The following ADAM8 variants were observed in gnomAD, a reference collection of about 807,000 sequenced individuals.
ADAM8 encodes ADAM metallopeptidase domain 8, also known as disintegrin and metalloproteinase domain-containing protein 8.
ADAM8 carries 104 observed loss-of-function variants against 102.4 expected under a neutral mutation model. That is an observed-to-expected ratio of 1.02 (90% confidence interval 0.87 to 1.20). The LOEUF is 1.20. ADAM8 is among the 50% of genes most tolerant of loss of function. ADAM8 has a pLI of 0.00. For missense variants in ADAM8, 1,132 were observed against 1,159.0 expected, an observed-to-expected ratio of 0.98 and a Z score of 0.34; for synonymous variants, 517 against 485.2, an observed-to-expected ratio of 1.07 and a Z score of -0.86.
intron 18 of ADAM8, 95 bp downstream of exon 18, chr10:133,269,350 C>T: frequency 3.7e-6 from 5 of 1,341,978 alleles, no homozygotes; most frequent in Non-Finnish European, 3.9e-6. Flanking sequence ...CCGTGAACAC[C>T]ACCAGCTTCC....
At chr10:133,269,693 G>A (rs768760320) in intron 17 of ADAM8, among the ~76,000 whole-genome samples, 164 bp from the exon 18 acceptor site, 3 of 152,296 alleles carry the variant, frequency 2.0e-5, no homozygotes, top group South Asian at 2.1e-4. Flanking sequence ...GCCCCTGCCC[G>A]CTGCCCGGTG....
Position 133,273,432 on chromosome 10 carries a change from T to C in ADAM8, c.395A>G (p.Gln132Arg). 1 of 1,540,406 alleles carries C rather than the reference T, an allele frequency of 6.5e-7. No homozygotes were observed. Among genetic ancestry groups the C allele is most frequent in the Non-Finnish European group, 8.8e-7 (1 of 1,140,072 alleles). The change falls in exon 6 of 23, where the codon CAG (glutamine) becomes CGG (arginine). Residue 132 changes from glutamine to arginine, a missense_variant. Coordinates refer to ENST00000445355, the MANE Select transcript of ADAM8 (RefSeq NM_001109.5). ...STCAGLRGFF[Q>R]VGSDLHLIEP... ...GATCAGGTGCAGGTCTGACCCCACC[T>C]GGAAGAAACCCCTGAGGGGAGTGGG...
chr10:133,271,506 C>G (rs768360739), intron 12 of ADAM8, 22 bp downstream of exon 12: 1 of 1,534,208 alleles, frequency 6.5e-7, no homozygotes, highest in Non-Finnish European at 8.8e-7. Context: ...CTGACGGGAG[C>G]AGGTATGGGG....
intron 18 of ADAM8, 192 bp downstream of exon 18, chr10:133,269,253 A>C (rs940781686): frequency 2.2e-6 from 2 of 924,036 alleles, no homozygotes; most frequent in Admixed American, 1.2e-4. Flanking sequence ...TCCCTCTGGG[A>C]CAGGGCTCTC....
rs1438987373 is a variant in ADAM8, at chr10:133,263,694, T to G, written c.2391A>C (p.Pro797=). Residue 797 remains proline (P), a synonymous_variant, in exon 22 of 23, where the codon CCA becomes CCC. Coordinates refer to ENST00000445355, the MANE Select transcript of ADAM8 (RefSeq NM_001109.5). ...GTGTGTGCTGGGGCCTCACCTCAGC[T>G]GGACCAGGGTTGGCCGCACCAGCCC... ...KPGAGAANPG[P]AEGAVGPKVA... 1 of 1,458,582 alleles carries G rather than the reference T, an allele frequency of 6.9e-7. No individual in the cohort carries two copies. The highest frequency in any genetic ancestry group is 9.1e-7 in the Non-Finnish European group (1 of 1,098,780). 90.4% of individuals were successfully genotyped at this position (1,458,582 alleles called of 1,614,324 possible). A position where few individuals can be genotyped will look rare whatever the true frequency, so the allele number is the denominator to read the frequency against.
At position 133,263,211 on chromosome 10, in the gene ADAM8, G is replaced by A. The variant is rs2136067122; in HGVS notation, c.2420C>T (p.Ala807Val). 2 of 1,612,196 alleles carry A rather than the reference G, an allele frequency of 1.2e-6. No homozygotes were observed. The highest frequency in any genetic ancestry group is 1.7e-6 in the Non-Finnish European group (2 of 1,178,784). The change falls in exon 23 of 23, where the codon GCC becomes GTC. Residue 807 changes from alanine (A) to valine (V), a missense_variant. Transcript: ENST00000445355. ...CTTCCTCTGGATGGGGGGCTTCAGG[G>A]CAACCTTTGGGCCAACAGCACCCTG... ...PAEGAVGPKV[A>V]LKPPIQRKQG...
chr10:133,270,365 C>G lies in ADAM8; in HGVS notation c.1780G>C (p.Glu594Gln), dbSNP rs1273060928. 1 of 1,583,726 alleles carries G rather than the reference C, an allele frequency of 6.3e-7. No individual in the cohort carries two copies. Among genetic ancestry groups the G allele is most frequent in the Admixed American group, 1.7e-5 (1 of 58,630 alleles). The part of the protein sequence containing the change: ...PVPEGTRCGP[E>Q]KVCWKGRCQD... ...CCTCTGAGCCAGGGGCTCACCTTCTCTGGTCCACACCGGGTGCCCTCGGGC... is the reference window on the plus strand; with the variant it reads ...CCTCTGAGCCAGGGGCTCACCTTCTGTGGTCCACACCGGGTGCCCTCGGGC... Residue 594 changes from glutamate to glutamine, a missense_variant, in exon 16 of 23, where the codon GAG becomes CAG. By Grantham distance (29) the Glu-to-Gln change is conservative (BLOSUM62 2). Coordinates refer to ENST00000445355, the MANE Select transcript of ADAM8 (RefSeq NM_001109.5).
At position 133,272,410 on chromosome 10, in the gene ADAM8, G is replaced by T. The variant is rs908901744; in HGVS notation, c.875+6C>A. The T allele has an allele frequency of 2.3e-6, 3 of 1,307,060 alleles. No homozygotes were observed. Among genetic ancestry groups the T allele is most frequent in the African/African-American group, 3.2e-5 (2 of 61,986 alleles). The allele number at this position is 1,307,060 out of a possible 1,614,324, so 81.0% of individuals were successfully genotyped here. On this transcript the variant is annotated splice_donor_region_variant and intron_variant, in intron 9 of 22. Transcript: ENST00000445355. ...CCTCCCCACCCTGCCCGCTCCGCCA[G>T]CTCACGTGATGAGCTGTACGTTGTC...
intron 20 of ADAM8, 89 bp from the exon 21 acceptor site, chr10:133,267,506 C>G (rs1425204202): frequency 3.0e-6 from 4 of 1,335,308 alleles, no homozygotes; most frequent in Non-Finnish European, 4.1e-6. Context: ...AGGTTCCTGC[C>G]TCTTGTGTGT....
rs998776597 is a variant in ADAM8, at chr10:133,272,306, C to CACG, written c.876-35_876-33dup. On this transcript the variant is annotated intron_variant, in intron 9 of 22. Coordinates refer to ENST00000445355, the MANE Select transcript of ADAM8 (RefSeq NM_001109.5). ...GTGGGAGTGACACAGATGCCCTGGA[C>CACG]ACGGCTCCCTCCCCACTTCCCTCCC... The CACG allele has an allele frequency of 3.3e-6, 5 of 1,497,078 alleles. No individual in the cohort carries two copies. The African/African-American group carries it at 6.9e-5, about 21-fold the overall frequency. 92.7% of individuals were successfully genotyped at this position (1,497,078 alleles called of 1,614,324 possible).
Position 133,263,232 on chromosome 10 carries a change from C to A in ADAM8, c.2399G>T (p.Gly800Val), listed in dbSNP as rs1846214823. The change falls in exon 23 of 23, where the codon GGT becomes GTT. Residue 800 changes from glycine to valine, a missense_variant and splice_region_variant. Transcript: ENST00000445355. ...CAGGGCAACCTTTGGGCCAACAGCA[C>A]CCTGGGAGGAGGAAAAGATAATTGA... ...AGAANPGPAE[G>V]AVGPKVALKP... 2 of 1,598,942 alleles carry A rather than the reference C, an allele frequency of 1.3e-6. No homozygotes were observed. The highest frequency in any genetic ancestry group is 1.7e-6 in the Non-Finnish European group (2 of 1,171,666).
intron 21 of ADAM8, among the ~76,000 whole-genome samples, chr10:133,265,530 G>T (rs1249596534): frequency 6.6e-6 from 1 of 152,114 alleles, no homozygotes; most frequent in Admixed American, 6.5e-5. Flanking sequence ...GGTGGCTCAC[G>T]TCTGTAATCC....
intron 21 of ADAM8, among the ~76,000 whole-genome samples, chr10:133,265,085 T>A (rs1846284203): frequency 7.1e-6 from 1 of 140,648 alleles, no homozygotes; most frequent in Non-Finnish European, 1.5e-5. Flanking sequence ...CTGCAGCCTC[T>A]GCCCCATCTA....
chr10:133,275,453 AG>A, intron 2 of ADAM8, 30 bp downstream of exon 2: 1 of 1,482,080 alleles, frequency 6.7e-7, no homozygotes, highest in Non-Finnish European at 9.1e-7. Flanking sequence ...GGGGCCAGCC[AG>A]GGACCCTCCC....
chr10:133,267,294 C>T, intron 21 of ADAM8, 58 bp downstream of exon 21: 1 of 1,538,484 alleles, frequency 6.5e-7, no homozygotes, highest in African/African-American at 1.4e-5. Flanking sequence ...GACCCCAATC[C>T]CATCAGGAAG....
Position 133,271,862 on chromosome 10 carries a change from G to A in ADAM8, c.1050C>T (p.Gly350=), listed in dbSNP as rs1846540953. Reference sequence around the variant, plus strand: ...CCTCGAAGCGTTCCTGGCAGCGGCAGCCCTGGACGTTCTCATCATGGTCCA... The same window carrying A: ...CCTCGAAGCGTTCCTGGCAGCGGCAACCCTGGACGTTCTCATCATGGTCCA... The part of the protein sequence containing the change: ...LGMDHDENVQ[G]CRCQERFEAG... Residue 350 remains glycine (G), a synonymous_variant, in exon 11 of 23, where the codon GGC becomes GGT. Transcript: ENST00000445355. The A allele has an allele frequency of 6.2e-7, 1 of 1,612,692 alleles. No homozygotes were observed. The highest frequency in any genetic ancestry group is 8.5e-7 in the Non-Finnish European group (1 of 1,179,938).
Position 133,271,548 on chromosome 10 carries a change from A to C in ADAM8, c.1264T>G (p.Cys422Gly). 1.3e-6 allele frequency: 2 copies of C among 1,557,924 alleles called. No individual in the cohort carries two copies. Among genetic ancestry groups the C allele is most frequent in the South Asian group, 1.2e-5 (1 of 84,688 alleles). The change falls in exon 12 of 23, where the codon TGC (cysteine) becomes GGC (glycine). Residue 422 changes from cysteine to glycine, a missense_variant. By Grantham distance (159) the Cys-to-Gly change is radical. Transcript: ENST00000445355. The stretch of plus-strand genomic sequence containing the variant: ...CGCACCTCGGGGGGGCCGCAGTCGC[A>C]CTGCTCCCCACGCTCCACAAACAGG... ...GNLFVERGEQ[C>G]DCGPPEDCRN...
chr10:133,271,348 G>A (rs768249278), intron 12 of ADAM8, 59 bp from the exon 13 acceptor site: 195 of 1,556,344 alleles, frequency 1.3e-4, no homozygotes, highest in East Asian at 6.6e-4. Flanking sequence ...GCTCCAGGGC[G>A]GACCTGGCCG....
rs1346466886 is a variant in ADAM8, at chr10:133,271,545, C to T, written c.1267G>A (p.Asp423Asn). 6 of 1,557,170 alleles carry T rather than the reference C, an allele frequency of 3.9e-6. No individual in the cohort carries two copies. Among genetic ancestry groups the T allele is most frequent in the East Asian group, 2.4e-5 (1 of 42,392 alleles). ...NLFVERGEQC[D>N]CGPPEDCRNR... ...GGACGCACCTCGGGGGGGCCGCAGT[C>T]GCACTGCTCCCCACGCTCCACAAAC... is the stretch of plus-strand genomic sequence containing the variant. The change falls in exon 12 of 23, where the codon GAC (aspartate) becomes AAC (asparagine). Residue 423 changes from aspartate to asparagine, a missense_variant. Asp to Asn is a conservative substitution (Grantham distance 23). Coordinates refer to ENST00000445355, the MANE Select transcript of ADAM8 (RefSeq NM_001109.5).
Sources: gnomAD v4.1 joint callset for allele counts (sites outside exome capture counted in the v4.1 genomes callset) on GRCh38, gnomAD v4.1.1 for gene constraint, MANE v1.5 for transcripts, NCBI Gene and HGNC (gene_info 2026-07-23, HGNC 2026-07-21) for gene names.